Variants in ZNF469 observed in about 807,000 individuals in gnomAD.
The protein encoded by ZNF469 is zinc finger protein 469.
A neutral mutation model predicts 1.0 loss-of-function variants in ZNF469; 1 was observed. The observed-to-expected ratio is 1.00, with a 90% CI of 0.35 to 4.73. The LOEUF (loss-of-function observed/expected upper bound fraction) is 4.73. Ranked by LOEUF, ZNF469 falls within the 30% of genes most tolerant of loss-of-function variation. ZNF469 has a pLI of 0.16. For missense variants in ZNF469, 6,100 were observed against 5,356.3 expected (o/e 1.14, Z -4.33); for synonymous variants, 2,703 against 2,363.4 (o/e 1.14, Z -4.17).
At chr16:88,139,627 T>C in the ZNF469 span, among the ~76,000 whole-genome samples, 125 of 147,088 alleles carry the variant, frequency 8.5e-4, 1 homozygote, top group African/African-American at 3.0e-3. Flanking sequence ...AAAGTGGATC[T>C]GAAACCTTTT....
chr16:88,383,486 C>T (rs111918283), intron 1 of ZNF469, among the ~76,000 whole-genome samples: 1 of 149,170 alleles, frequency 6.7e-6, no homozygotes, highest in Admixed American at 6.6e-5. Flanking sequence ...AGCGCCGGGG[C>T]CCGGCGGGGG....
rs1328272648 is a variant in ZNF469 at position 88,433,935 on chromosome 16, C to T, written c.6465C>T (p.Ser2155=). 2 of 1,550,042 alleles carry T rather than the reference C, an allele frequency of 1.3e-6. No individual in the cohort carries two copies. The highest frequency in any genetic ancestry group is 1.7e-6 in the Non-Finnish European group (2 of 1,146,898). Reference sequence around the variant, plus strand: ...GGGGGCAGCTGCCAGCATCTCCGTCCTGCAGGGACCCTCCCGGCCCCCAGC... The same window carrying T: ...GGGGGCAGCTGCCAGCATCTCCGTCTTGCAGGGACCCTCCCGGCCCCCAGC... ...GLGGQLPASP[S]CRDPPGPQQL... The change falls in exon 3 of 3, where the codon TCC becomes TCT. Residue 2155 remains serine, a synonymous_variant. Coordinates refer to ENST00000565624, the MANE Select transcript of ZNF469 (RefSeq NM_001367624.2).
At chr16:88,351,989 C>T in the ZNF469 span, among the ~76,000 whole-genome samples, 5 of 152,162 alleles carry the variant, frequency 3.3e-5, no homozygotes, top group African/African-American at 9.7e-5. Context: ...ATGATGGTGA[C>T]GCTCACCACG....
chr16:88,379,360 C>T (rs1383287422), upstream of ZNF469, among the ~76,000 whole-genome samples: 1 of 152,200 alleles, frequency 6.6e-6, no homozygotes. Flanking sequence ...CTCTGCTGAG[C>T]TCACAGACAC....
chr16:88,292,073 T>C, the ZNF469 span, among the ~76,000 whole-genome samples: 1 of 152,150 alleles, frequency 6.6e-6, no homozygotes, highest in Admixed American at 6.5e-5. Context: ...GAAGTGGATC[T>C]GGATATGCGG....
At chr16:88,320,145 T>G in the ZNF469 span, among the ~76,000 whole-genome samples, 7 of 152,254 alleles carry the variant, frequency 4.6e-5, no homozygotes. Context: ...CTGCTTGCCG[T>G]GGCAGAAGTT....
chr16:88,299,523 A>T, the ZNF469 span, among the ~76,000 whole-genome samples: 2 of 152,170 alleles, frequency 1.3e-5, no homozygotes, highest in East Asian at 3.9e-4. Context: ...TGATGATCTA[A>T]CAAGGGCTCA....
chr16:88,210,529 A>G, the ZNF469 span, among the ~76,000 whole-genome samples: 6 of 152,154 alleles, frequency 3.9e-5, no homozygotes, highest in African/African-American at 1.4e-4. Flanking sequence ...CTTTTCTGAC[A>G]TTTCCTTCTA....
the ZNF469 span, among the ~76,000 whole-genome samples, chr16:88,303,453 G>T: frequency 6.6e-6 from 1 of 152,122 alleles, no homozygotes; most frequent in Non-Finnish European, 1.5e-5. Context: ...GAGCCCCTCA[G>T]CCCCTCCAAG....
At chr16:88,368,342 G>A in the ZNF469 span, among the ~76,000 whole-genome samples, 12 of 152,256 alleles carry the variant, frequency 7.9e-5, no homozygotes, top group South Asian at 4.1e-4. Flanking sequence ...TCCCTGAGCC[G>A]GCAGCAGAGA....
At chr16:88,269,700 G>A in the ZNF469 span, among the ~76,000 whole-genome samples, 6 of 151,950 alleles carry the variant, frequency 3.9e-5, no homozygotes, top group South Asian at 4.2e-4. Flanking sequence ...TCCTGCTCTC[G>A]GGAACTGCTG....
intron 1 of ZNF469, among the ~76,000 whole-genome samples, chr16:88,385,760 G>A (rs549717654): frequency 6.6e-6 from 1 of 152,302 alleles, no homozygotes; most frequent in Admixed American, 6.5e-5. Flanking sequence ...ACAGCTGCTA[G>A]GGGCTGTGTG....
chr16:88,316,710 C>T, the ZNF469 span, among the ~76,000 whole-genome samples: 1 of 152,014 alleles, frequency 6.6e-6, no homozygotes, highest in African/African-American at 2.4e-5. Flanking sequence ...CCACGCCCAG[C>T]TAATTTTTGT....
the ZNF469 span, among the ~76,000 whole-genome samples, chr16:88,163,440 GTAGATGGAGTGATGGATGGATGGA>G: frequency 1.3e-5 from 2 of 151,862 alleles, no homozygotes; most frequent in Admixed American, 6.6e-5. Flanking sequence ...GTGTGGATGG[GTAGATGGAGTGATGGATGGATGGA>G]TAGATAGAAG....
rs539613654 is a variant in ZNF469, at chr16:88,433,113, C to T, written c.5643C>T (p.Pro1881=). 106 of 1,550,234 alleles carry T rather than the reference C, an allele frequency of 6.8e-5. No homozygotes were observed. Among genetic ancestry groups the T allele is most frequent in the Non-Finnish European group, 8.5e-5 (98 of 1,146,970 alleles). Reference sequence around the variant, plus strand: ...CTTGGTTGGTCCCTGTGCCAAGTCCCGCCTGTGTATCCAACACCCACCCTA... The same window carrying T: ...CTTGGTTGGTCCCTGTGCCAAGTCCTGCCTGTGTATCCAACACCCACCCTA... ...REAWLVPVPS[P]ACVSNTHPSR... is the part of the protein sequence containing the mutation. The change falls in exon 3 of 3, where the codon CCC becomes CCT. Residue 1881 remains proline (P), a synonymous_variant. Coordinates refer to ENST00000565624, the MANE Select transcript of ZNF469 (RefSeq NM_001367624.2).
the ZNF469 span, among the ~76,000 whole-genome samples, chr16:88,108,002 G>A: frequency 7.9e-5 from 12 of 152,232 alleles, no homozygotes; most frequent in Non-Finnish European, 1.8e-4. Context: ...TCCTCCATGC[G>A]ATCTGTATGT....
the ZNF469 span, among the ~76,000 whole-genome samples, chr16:88,175,953 G>A: frequency 2.0e-5 from 3 of 152,170 alleles, no homozygotes; most frequent in African/African-American, 7.2e-5. Flanking sequence ...TAATCTGTAC[G>A]ATTATCCTTC....
chr16:88,211,240 A>G, the ZNF469 span, among the ~76,000 whole-genome samples: 1 of 152,164 alleles, frequency 6.6e-6, no homozygotes, highest in Non-Finnish European at 1.5e-5. Context: ...ATTGATTCTC[A>G]TGTGTTTGTG....
intron 1 of ZNF469, among the ~76,000 whole-genome samples, chr16:88,404,136 T>C (rs1388554617): frequency 6.6e-6 from 1 of 152,154 alleles, no homozygotes; most frequent in East Asian, 1.9e-4. Flanking sequence ...TTGTGGACCT[T>C]TTTAAACATA....
Sources: gnomAD v4.1 joint callset for allele counts (sites outside exome capture counted in the v4.1 genomes callset) on GRCh38, gnomAD v4.1.1 for gene constraint, MANE v1.5 for transcripts, NCBI Gene and HGNC (gene_info 2026-07-23, HGNC 2026-07-21) for gene names.